Variants in DLGAP2 observed in about 807,000 individuals in gnomAD.
DLGAP2 encodes DLG associated protein 2.
DLGAP2 carries 26 observed loss-of-function variants against 100.3 expected under a neutral mutation model. That is an observed-to-expected ratio of 0.26 (90% CI 0.19 to 0.36). The LOEUF (loss-of-function observed/expected upper bound fraction) is 0.36. DLGAP2 is among the 10% of genes least tolerant of loss of function. DLGAP2 has a pLI of 1.00. For synonymous variants in DLGAP2, 886 were observed against 630.1 expected (o/e 1.41, Z -6.08); for missense variants, 1,858 against 1,453.2 (o/e 1.28, Z -4.53).
chr8:1,328,623 TTAC>T (rs1272799949), intron 3 of DLGAP2, among the ~76,000 whole-genome samples: 1 of 152,198 alleles, frequency 6.6e-6, no homozygotes, highest in African/African-American at 2.4e-5. Flanking sequence ...AGTGCTGGGA[TTAC>T]AGGCGGAAGC....
chr8:776,538 C>G (rs902132189), intron 1 of DLGAP2, among the ~76,000 whole-genome samples: 1 of 152,192 alleles, frequency 6.6e-6, no homozygotes, highest in African/African-American at 2.4e-5. Flanking sequence ...CCCAGAGATT[C>G]TGGTATGTTT....
At chr8:1,376,314 T>TC (rs1160805286) in intron 3 of DLGAP2, among the ~76,000 whole-genome samples, 4 of 152,232 alleles carry the variant, frequency 2.6e-5, no homozygotes, top group African/African-American at 9.6e-5. Context: ...CCGTTTCTTC[T>TC]CACTCCATCA....
intron 2 of DLGAP2, among the ~76,000 whole-genome samples, chr8:963,244 C>T (rs181902757): frequency 6.7e-6 from 1 of 149,064 alleles, no homozygotes; most frequent in East Asian, 1.9e-4. Flanking sequence ...CCCCACGACC[C>T]CATTTGGAAA....
intron 2 of DLGAP2, among the ~76,000 whole-genome samples, chr8:1,158,357 T>C (rs1468040171): frequency 3.9e-5 from 6 of 152,248 alleles, no homozygotes; most frequent in Non-Finnish European, 7.3e-5. Flanking sequence ...TATGTACATA[T>C]GTAATCTAAT....
At chr8:767,979 C>T (rs1047707152) in intron 1 of DLGAP2, among the ~76,000 whole-genome samples, 1 of 152,168 alleles carries the variant, frequency 6.6e-6, no homozygotes, top group Non-Finnish European at 1.5e-5. Context: ...GACATTAACT[C>T]AGAAAAGCAA....
chr8:1,230,981 C>G (rs945859767), intron 2 of DLGAP2, among the ~76,000 whole-genome samples: 1 of 152,134 alleles, frequency 6.6e-6, no homozygotes, highest in Admixed American at 6.6e-5. Flanking sequence ...TTGAAAGCAA[C>G]TGCAACAAAA....
chr8:1,433,685 G>A (rs575124725), intron 3 of DLGAP2, among the ~76,000 whole-genome samples: 1 of 151,028 alleles, frequency 6.6e-6, no homozygotes, highest in Non-Finnish European at 1.5e-5. Flanking sequence ...CTGGTTAGGT[G>A]CCTGGAGTTT....
chr8:972,609 T>TTTTTTTCTTTTC (rs1323996366), intron 2 of DLGAP2, among the ~76,000 whole-genome samples: 1 of 65,424 alleles, frequency 1.5e-5, no homozygotes, highest in Admixed American at 1.7e-4. Context: ...TTTTTTTGTA[T>TTTTTTTCTTTTC]TTTTTTCTTA....
chr8:1,614,614 T>G (rs1172567073), intron 6 of DLGAP2, among the ~76,000 whole-genome samples: 2 of 152,234 alleles, frequency 1.3e-5, no homozygotes, highest in African/African-American at 4.8e-5. Context: ...CGGAGCCCCC[T>G]GTGGCACAGC....
At chr8:1,054,039 C>T (rs1223372370) in intron 2 of DLGAP2, among the ~76,000 whole-genome samples, 1 of 152,134 alleles carries the variant, frequency 6.6e-6, no homozygotes, top group African/African-American at 2.4e-5. Context: ...CGGTCAGATT[C>T]AGCCTTCCGC....
intron 3 of DLGAP2, among the ~76,000 whole-genome samples, chr8:1,497,264 G>A (rs936049467): frequency 4.6e-5 from 7 of 152,190 alleles, no homozygotes; most frequent in Non-Finnish European, 7.3e-5. Context: ...AGAGGTCGGC[G>A]CTGTCAGTTT....
intron 2 of DLGAP2, among the ~76,000 whole-genome samples, chr8:1,107,185 G>A (rs1431386695): frequency 2.0e-5 from 3 of 152,210 alleles, no homozygotes; most frequent in Admixed American, 6.5e-5. Flanking sequence ...CAGAGGCTTT[G>A]CAGTGCACTG....
intron 2 of DLGAP2, among the ~76,000 whole-genome samples, chr8:1,190,544 C>G (rs779141111): frequency 7.9e-5 from 12 of 152,178 alleles, no homozygotes; most frequent in South Asian, 2.1e-4. Context: ...CTGGCCGCCC[C>G]GTCCTTGCTT....
intron 4 of DLGAP2, among the ~76,000 whole-genome samples, chr8:1,515,327 A>C (rs1800329952): frequency 6.6e-6 from 1 of 152,218 alleles, no homozygotes; most frequent in Admixed American, 6.5e-5. Flanking sequence ...GCACAGAGAA[A>C]AGGAGTCCTC....
At chr8:1,563,519 C>T (rs943619724) in intron 5 of DLGAP2, among the ~76,000 whole-genome samples, 3 of 142,572 alleles carry the variant, frequency 2.1e-5, no homozygotes, top group South Asian at 2.4e-4. Flanking sequence ...GTCCGTGCCT[C>T]GTTACTGCGG....
intron 5 of DLGAP2, among the ~76,000 whole-genome samples, chr8:1,553,452 G>A (rs1277508712): frequency 2.0e-5 from 3 of 152,148 alleles, no homozygotes; most frequent in Non-Finnish European, 2.9e-5. Context: ...GTTTTATTCG[G>A]CGTGTTCACG....
Position 1,422,600 on chromosome 8 carries a change from T to C in DLGAP2, c.107-78766T>C, listed in dbSNP as rs951453040. Among the ~76,000 whole-genome samples, 4 of 136,678 alleles carry C rather than the reference T, an allele frequency of 2.9e-5. No individual in the cohort carries two copies. The Admixed American group carries it at 3.0e-4, about 10-fold the overall frequency. 89.7% of individuals were successfully genotyped at this position (136,678 alleles called of 152,430 possible). On this transcript the variant is annotated intron_variant, in intron 3 of 14. Transcript: ENST00000637795. ...AAAGGTGTGGGTGGAACAGACAGGG[T>C]GGATGCATCTTGAGAAGCCGACTCA...
chr8:1,485,800 G>A (rs927670079), intron 3 of DLGAP2, among the ~76,000 whole-genome samples: 2 of 152,172 alleles, frequency 1.3e-5, no homozygotes, highest in African/African-American at 4.8e-5. Flanking sequence ...TGAGGCAGAT[G>A]GATCACTTGA....
chr8:1,469,125 G>T (rs920381222), intron 3 of DLGAP2, among the ~76,000 whole-genome samples: 1 of 152,176 alleles, frequency 6.6e-6, no homozygotes. Context: ...TGGGCGCCCC[G>T]TGTCCAGCTG....
Sources: allele counts gnomAD v4.1 joint callset (sites outside exome capture counted in the v4.1 genomes callset), GRCh38; gene constraint gnomAD v4.1.1; transcripts MANE v1.5; gene names NCBI Gene and HGNC (gene_info 2026-07-23, HGNC 2026-07-21).